IGDCC3: variants seen among roughly 807,000 people sequenced by gnomAD.
IGDCC3 encodes the protein immunoglobulin superfamily DCC subclass member 3.
In IGDCC3, 47 loss-of-function variants were observed where a neutral mutation model predicts 72.0. The ratio of observed to expected loss-of-function variants is 0.65; its 90% CI spans 0.52 to 0.83. The LOEUF (loss-of-function observed/expected upper bound fraction) is 0.83. Among genes scored for constraint, IGDCC3 ranks in the 40% least tolerant of loss-of-function variants. The pLI, the probability that IGDCC3 is intolerant of heterozygous loss-of-function variation, is 0.00. For missense variants in IGDCC3, 1,038 were observed against 1,091.3 expected (o/e 0.95, Z 0.69); for synonymous variants, 477 against 472.8 (o/e 1.01, Z -0.11).
chr15:65,360,174 C>T (rs1021372458), intron 2 of IGDCC3, among the ~76,000 whole-genome samples: 1 of 152,178 alleles, frequency 6.6e-6, no homozygotes, highest in Non-Finnish European at 1.5e-5. Context: ...ACATACAGCC[C>T]AATGGATCCT....
In IGDCC3 at chr15:65,331,485, A is replaced by T; in HGVS notation, c.1323T>A (p.Arg441=). The T allele has an allele frequency of 6.2e-7, 1 of 1,613,682 alleles. No homozygotes were observed. Among genetic ancestry groups the T allele is most frequent in the Non-Finnish European group, 8.5e-7 (1 of 1,179,966 alleles). ...RAVSVSSTEV[R]VSWSEPLANT... is the part of the protein sequence containing the mutation. ...TGGCCAGCGGCTCACTCCAGGACAC[A>T]CGCACCTCAGTGGAAGACACAGAGA... The change falls in exon 8 of 14, where the codon CGT becomes CGA. Residue 441 remains arginine (R), a synonymous_variant. Transcript: ENST00000327987.
Position 65,335,908 on chromosome 15 carries a change from CCCT to C in IGDCC3, c.455_457del (p.Glu152del). 1 of 1,614,152 alleles carries C rather than the reference CCCT, an allele frequency of 6.2e-7. No homozygotes were observed. ...TTGGCACTGGAAGCGGGCCACACCA[CCCT>C]CCTCACCCACGGTGGCCTGGGGATG... On this transcript the variant is annotated inframe_deletion, in exon 3 of 14. Coordinates refer to ENST00000327987, the MANE Select transcript of IGDCC3 (RefSeq NM_004884.4).
At position 65,329,095 on chromosome 15, in the gene IGDCC3, T is replaced by A. The variant is rs1309688792; in HGVS notation, c.2259A>T (p.Pro753=). The A allele has an allele frequency of 1.9e-6, 3 of 1,611,008 alleles. No homozygotes were observed. Among genetic ancestry groups the A allele is most frequent in the Non-Finnish European group, 2.5e-6 (3 of 1,179,036 alleles). The change falls in exon 14 of 14, where the codon CCA becomes CCT. Residue 753 remains proline (P), a synonymous_variant. Transcript: ENST00000327987. The surrounding 1 kb of genome is among the most constrained non-coding windows in gnomAD (Gnocchi z 4.1). ...PCEETQLSVL[P]LQGCGLMEGK... is the part of the protein sequence containing the mutation. ...CCTCCATCAGGCCGCACCCCTGAAG[T>A]GGCAGCACGGAGAGCTGGGTCTCCT...
intron 6 of IGDCC3, among the ~76,000 whole-genome samples, chr15:65,332,782 C>T (rs1440119952): frequency 1.3e-5 from 2 of 152,226 alleles, no homozygotes; most frequent in Non-Finnish European, 1.5e-5. Flanking sequence ...ACCAGGTTAG[C>T]GGCAGGGCCC....
intron 1 of IGDCC3, among the ~76,000 whole-genome samples, chr15:65,376,178 T>C (rs558804211): frequency 1.8e-4 from 27 of 152,322 alleles, no homozygotes; most frequent in African/African-American, 2.9e-4. Flanking sequence ...ACACCAACTA[T>C]GGTTTCCCAA....
intron 2 of IGDCC3, among the ~76,000 whole-genome samples, chr15:65,361,277 T>TAAA (rs1347746967): frequency 3.6e-4 from 40 of 112,290 alleles, no homozygotes; most frequent in African/African-American, 1.6e-3. Flanking sequence ...AAAATAATAA[T>TAAA]AATAATAAAA....
chr15:65,348,308 G>A (rs2091143457), intron 2 of IGDCC3, among the ~76,000 whole-genome samples: 1 of 152,152 alleles, frequency 6.6e-6, no homozygotes, highest in Non-Finnish European at 1.5e-5. Flanking sequence ...GACTCGCCCT[G>A]AATTCTTTCT....
In IGDCC3 at chr15:65,327,490, C is replaced by T. The variant is rs944505622; in HGVS notation, c.*1419G>A. On this transcript the variant is annotated 3_prime_UTR_variant, in exon 14 of 14. Transcript: ENST00000327987. ...GGTCAGGGATATTTATGGTCTCATT[C>T]TTAAGGAATACACTTATCTTTTTTC... 2 of 152,166 alleles carry T rather than the reference C, an allele frequency of 1.3e-5. No individual in the cohort carries two copies. The highest frequency in any genetic ancestry group is 2.9e-5 in the Non-Finnish European group (2 of 68,022). The allele number at this position is 152,166 out of a possible 1,614,324, so 9.4% of individuals were successfully genotyped here.
intron 2 of IGDCC3, among the ~76,000 whole-genome samples, chr15:65,350,107 A>G (rs1022102823): frequency 2.0e-5 from 3 of 152,192 alleles, no homozygotes; most frequent in Non-Finnish European, 4.4e-5. Flanking sequence ...GGGTAATAAG[A>G]GATCTGAAAG....
Position 65,330,566 on chromosome 15 carries a change from G to A in IGDCC3, c.1737C>T (p.Tyr579=), listed in dbSNP as rs771919704. Reference sequence around the variant, plus strand: ...CTGCCTCACCGAGCTGGCTGAGGTTGTAGGAGGAGACGGTTCCAGGCAGCA... The same window carrying A: ...CTGCCTCACCGAGCTGGCTGAGGTTATAGGAGGAGACGGTTCCAGGCAGCA... ...PILLPGTVSS[Y]NLSQLDPTAV... is the part of the protein sequence containing the mutation. Residue 579 remains tyrosine (Y), a synonymous_variant, in exon 10 of 14, where the codon TAC becomes TAT. Coordinates refer to ENST00000327987, the MANE Select transcript of IGDCC3 (RefSeq NM_004884.4). 1.9e-6 allele frequency: 3 copies of A among 1,613,404 alleles called. No individual in the cohort carries two copies. The highest frequency in any genetic ancestry group is 1.7e-6 in the Non-Finnish European group (2 of 1,179,960).
chr15:65,348,564 C>G (rs72731333), intron 2 of IGDCC3, among the ~76,000 whole-genome samples: 10,110 of 152,108 alleles, frequency 0.066, 717 homozygotes, highest in East Asian at 0.36. Flanking sequence ...TGATGCGGTA[C>G]CCAGGTAAAG....
chr15:65,330,815 CCGA>C (rs1694918274), intron 9 of IGDCC3, 74 bp from the exon 10 acceptor site: 1 of 1,326,990 alleles, frequency 7.5e-7, no homozygotes, highest in Non-Finnish European at 1.0e-6. Context: ...ACCTGTGACC[CCGA>C]CCCCCAAAAG....
rs1388876140 is a variant in IGDCC3, at chr15:65,331,069, T to G, written c.1542A>C (p.Leu514=). The part of the protein sequence containing the change: ...RGASSASVPT[L]ASTLGEAPAP... ...CCTCACCTTCACCCAGGGTGCTAGC[T>G]AGGGTGGGCACAGAGGCTGAGCTGG... The change falls in exon 9 of 14, where the codon CTA becomes CTC. Residue 514 remains leucine (L), a synonymous_variant. Transcript: ENST00000327987. 1.2e-6 allele frequency: 2 copies of G among 1,613,820 alleles called. No individual in the cohort carries two copies. The highest frequency in any genetic ancestry group is 1.7e-6 in the Non-Finnish European group (2 of 1,179,926).
intron 2 of IGDCC3, among the ~76,000 whole-genome samples, chr15:65,352,422 G>A (rs1017023420): frequency 6.6e-6 from 1 of 152,184 alleles, no homozygotes; most frequent in African/African-American, 2.4e-5. Flanking sequence ...GGAATGATGT[G>A]CTTTCCTTTA....
chr15:65,373,366 G>C (rs551941642), intron 2 of IGDCC3: 5 of 152,372 alleles, frequency 3.3e-5, no homozygotes, highest in African/African-American at 1.2e-4. Flanking sequence ...GCACTGCCGG[G>C]AGGGCCGAGA....
At chr15:65,344,384 C>G (rs1420013565) in intron 2 of IGDCC3, among the ~76,000 whole-genome samples, 2 of 152,112 alleles carry the variant, frequency 1.3e-5, no homozygotes, top group South Asian at 4.1e-4. Context: ...CCTCCCTACT[C>G]TCTCCCTCAC....
At chr15:65,334,913 G>A (rs1479120795) in intron 4 of IGDCC3, 48 bp from the exon 5 acceptor site, 11 of 1,570,306 alleles carry the variant, frequency 7.0e-6, no homozygotes, top group East Asian at 2.3e-5. Context: ...GGACTTTCCC[G>A]CTTCCTCACC....
chr15:65,361,772 C>T (rs1332177242), intron 2 of IGDCC3, among the ~76,000 whole-genome samples: 1 of 152,230 alleles, frequency 6.6e-6, no homozygotes, highest in Non-Finnish European at 1.5e-5. Context: ...CCATGCAGCG[C>T]GGCGCTAATT....
chr15:65,329,666 C>T lies in IGDCC3; in HGVS notation c.1997+60G>A. Reference sequence around the variant, plus strand: ...ACAGAGGCAGTGAGCCCACACTCACCTTCTCTAGGCCTAGTCCCCCACACA... The same window carrying T: ...ACAGAGGCAGTGAGCCCACACTCACTTTCTCTAGGCCTAGTCCCCCACACA... On this transcript the variant is annotated intron_variant, in intron 12 of 13. Coordinates refer to ENST00000327987, the MANE Select transcript of IGDCC3 (RefSeq NM_004884.4). The surrounding 1 kb of genome is among the most constrained non-coding windows in gnomAD (Gnocchi z 4.1). 2 of 1,612,590 alleles carry T rather than the reference C, an allele frequency of 1.2e-6. No homozygotes were observed. The highest frequency in any genetic ancestry group is 1.7e-6 in the Non-Finnish European group (2 of 1,178,954).
Sources: allele counts gnomAD v4.1 joint callset (sites outside exome capture counted in the v4.1 genomes callset), GRCh38; gene constraint gnomAD v4.1.1; non-coding constraint Gnocchi (gnomAD v3.1); transcripts MANE v1.5; gene names NCBI Gene and HGNC (gene_info 2026-07-23, HGNC 2026-07-21).